YIF1B: variants seen among roughly 807,000 people sequenced by gnomAD.
YIF1B encodes Yip1 interacting factor homolog B, membrane trafficking protein, also known as protein YIF1B.
YIF1B carries 24 observed loss-of-function variants against 34.6 expected under a neutral mutation model. That is an observed-to-expected ratio of 0.69 (90% CI 0.50 to 0.98). YIF1B has a LOEUF of 0.98. Ranked by LOEUF, YIF1B falls within the 50% of genes least tolerant of loss-of-function variation. YIF1B has a pLI of 0.00. For synonymous variants in YIF1B, 186 were observed against 184.8 expected (o/e 1.01, Z -0.05); for missense variants, 368 against 429.4 (o/e 0.86, Z 1.26).
At chr19:38,314,367 C>G (rs1427097853) in intron 1 of YIF1B, among the ~76,000 whole-genome samples, 1 of 151,382 alleles carries the variant, frequency 6.6e-6, no homozygotes, top group African/African-American at 2.4e-5. Flanking sequence ...GCTAAATTTT[C>G]TATTTTTAGT....
At chr19:38,306,204 CAAAA>C (rs1174694534) in intron 7 of YIF1B, among the ~76,000 whole-genome samples, 3 of 28,708 alleles carry the variant, frequency 1.0e-4, no homozygotes, top group East Asian at 1.5e-3. Flanking sequence ...CTCTGTCTCA[CAAAA>C]AAAAAAAAAA....
At position 38,309,432 on chromosome 19, in the gene YIF1B, C is replaced by T. The variant is rs558809191; in HGVS notation, c.270G>A (p.Ala90=). Residue 90 remains alanine (A), a synonymous_variant, in exon 2 of 8, where the codon GCG becomes GCA. Coordinates refer to ENST00000339413, the MANE Select transcript of YIF1B (RefSeq NM_001039672.3). ...MAMAYGSSLA[A]QGKELVDKNI... is the part of the protein sequence containing the mutation. Reference sequence around the variant, plus strand: ...TCTTATCCACCAGCTCCTTGCCCTGCGCGGCCAGGCTGCTCCCATAGGCCA... The same window carrying T: ...TCTTATCCACCAGCTCCTTGCCCTGTGCGGCCAGGCTGCTCCCATAGGCCA... 29 of 1,613,492 alleles carry T rather than the reference C, an allele frequency of 1.8e-5. No homozygotes were observed. Among genetic ancestry groups the T allele is most frequent in the Admixed American group, 5.0e-5 (3 of 59,998 alleles).
chr19:38,311,871 G>T (rs1284193287), intron 1 of YIF1B, among the ~76,000 whole-genome samples: 1 of 152,204 alleles, frequency 6.6e-6, no homozygotes, highest in Non-Finnish European at 1.5e-5. Context: ...GGCCAAGGCA[G>T]GTGGATCACC....
chr19:38,315,563 GGGAGCCAC>G, intron 1 of YIF1B: 1 of 1,469,870 alleles, frequency 6.8e-7, no homozygotes. Context: ...GCGGGTACTG[GGGAGCCAC>G]GGAAGGGTGG....
chr19:38,307,497 G>A lies in YIF1B; in HGVS notation c.720C>T (p.Gly240=). The change falls in exon 7 of 8, where the codon GGC becomes GGT. Residue 240 remains glycine, a synonymous_variant. Coordinates refer to ENST00000339413, the MANE Select transcript of YIF1B (RefSeq NM_001039672.3). ...AGTAGCCAATCTTCCCGAAGAGCAGGCCCATGAGGACCCCGCCAATCATCC... is the reference window on the plus strand; with the variant it reads ...AGTAGCCAATCTTCCCGAAGAGCAGACCCATGAGGACCCCGCCAATCATCC... ...YVGMIGGVLM[G]LLFGKIGYYL... is the part of the protein sequence containing the mutation. The A allele has an allele frequency of 6.2e-7, 1 of 1,613,888 alleles. No homozygotes were observed. Among genetic ancestry groups the A allele is most frequent in the Non-Finnish European group, 8.5e-7 (1 of 1,179,994 alleles).
upstream of YIF1B, chr19:38,320,059 C>T (rs745427851): frequency 4.6e-6 from 7 of 1,516,194 alleles, no homozygotes; most frequent in African/African-American, 2.9e-5. Flanking sequence ...AGCCAGGCTC[C>T]GAGCCGAGCT....
At position 38,305,149 on chromosome 19, in the gene YIF1B, C is replaced by T. The variant is rs778510524; in HGVS notation, c.*203G>A. 4 of 1,395,940 alleles carry T rather than the reference C, an allele frequency of 2.9e-6. No homozygotes were observed. Among genetic ancestry groups the T allele is most frequent in the African/African-American group, 1.5e-5 (1 of 68,800 alleles). The allele number at this position is 1,395,940 out of a possible 1,614,324, so 86.5% of individuals were successfully genotyped here. ...TCAGGGTTTATTGTTTCTGTAACAG[C>T]GGCCACGCCCTGGGGCGGTGGCCTG... On this transcript the variant is annotated 3_prime_UTR_variant, in exon 8 of 8. Coordinates refer to ENST00000339413, the MANE Select transcript of YIF1B (RefSeq NM_001039672.3).
chr19:38,315,999 C>A (rs1386320568), upstream of YIF1B: 3 of 1,361,458 alleles, frequency 2.2e-6, no homozygotes, highest in Non-Finnish European at 2.8e-6. Flanking sequence ...GAAGAGACAG[C>A]CAATGGACGT....
chr19:38,318,758 G>A (rs182975804), upstream of YIF1B, among the ~76,000 whole-genome samples: 23 of 152,280 alleles, frequency 1.5e-4, no homozygotes, highest in African/African-American at 5.1e-4. Flanking sequence ...TGTCTGAGCT[G>A]AGCCCCAAGC....
In YIF1B at chr19:38,309,385, C is replaced by T. The variant is rs1222286073; in HGVS notation, c.297+20G>A. 1 of 1,612,656 alleles carries T rather than the reference C, an allele frequency of 6.2e-7. No individual in the cohort carries two copies. Among genetic ancestry groups the T allele is most frequent in the Non-Finnish European group, 8.5e-7 (1 of 1,179,098 alleles). On this transcript the variant is annotated intron_variant, in intron 2 of 7. Transcript: ENST00000339413. ...GTGGCCCCGTGCATCCCCCCACTCC[C>T]ACCAGCCCCGCCCACTCACGTTCTT...
intron 4 of YIF1B, 56 bp downstream of exon 4, chr19:38,308,923 C>A (rs117370073): frequency 6.2e-7 from 1 of 1,613,266 alleles, no homozygotes; most frequent in Non-Finnish European, 8.5e-7. Context: ...CCCACACACC[C>A]GCTCCATATA....
upstream of YIF1B, among the ~76,000 whole-genome samples, chr19:38,319,274 A>G (rs570779597): frequency 2.0e-5 from 3 of 152,050 alleles, no homozygotes; most frequent in East Asian, 5.8e-4. Context: ...TCCCAGTTAG[A>G]CTGGGAGCCC....
rs776600671 is a variant in YIF1B at position 38,308,833 on chromosome 19, G to C, written c.498C>G (p.Thr166=). 2.5e-6 allele frequency: 4 copies of C among 1,613,852 alleles called. No homozygotes were observed. The highest frequency in any genetic ancestry group is 1.3e-5 in the African/African-American group (1 of 74,902). The part of the protein sequence containing the change: ...DLYIPAMAFI[T]YVLVAGLALG... ...GCGCAAGACCAGCCACCAAAACGTA[G>C]GTGATGAAAGCCATTGCTGTGGGAG... Residue 166 remains threonine (T), a synonymous_variant, in exon 5 of 8, where the codon ACC becomes ACG. Transcript: ENST00000339413.
rs1205898220 is a variant in YIF1B at position 38,307,975 on chromosome 19, G to A, written c.540-223C>T. Among the ~76,000 whole-genome samples, 4 of 152,350 alleles carry A rather than the reference G, an allele frequency of 2.6e-5. No homozygotes were observed. The East Asian group carries it at 7.7e-4, about 29-fold the overall frequency. ...GGCAGGGCTGGAGTCACAGGGGGCTGTGCTGACAGTCAGGAGACAGGTGTC... is the reference window on the plus strand; with the variant it reads ...GGCAGGGCTGGAGTCACAGGGGGCTATGCTGACAGTCAGGAGACAGGTGTC... On this transcript the variant is annotated intron_variant, in intron 5 of 7. Transcript: ENST00000339413.
Position 38,305,212 on chromosome 19 carries a change from G to A in YIF1B, c.*140C>T, listed in dbSNP as rs1600372323. 1.4e-6 allele frequency: 2 copies of A among 1,421,818 alleles called. No individual in the cohort carries two copies. The highest frequency in any genetic ancestry group is 2.9e-5 in the South Asian group (2 of 69,632). 88.1% of individuals were successfully genotyped at this position (1,421,818 alleles called of 1,614,324 possible). A position where few individuals can be genotyped will look rare whatever the true frequency, so the allele number is the denominator to read the frequency against. On this transcript the variant is annotated 3_prime_UTR_variant, in exon 8 of 8. Transcript: ENST00000339413. ...TCTCTCAGCACCTTGGGTTGGGGGCGGGGCTGGGCGGGACATGGGATGGAG... is the reference window on the plus strand; with the variant it reads ...TCTCTCAGCACCTTGGGTTGGGGGCAGGGCTGGGCGGGACATGGGATGGAG...
At chr19:38,312,997 G>C (rs1184516440) in intron 1 of YIF1B, among the ~76,000 whole-genome samples, 1 of 151,970 alleles carries the variant, frequency 6.6e-6, no homozygotes, top group African/African-American at 2.4e-5. Flanking sequence ...TGTCACCCAG[G>C]CTGGAGTGCA....
intron 7 of YIF1B, chr19:38,306,707 A>C (rs1383646065): frequency 8.9e-6 from 2 of 224,166 alleles, no homozygotes; most frequent in African/African-American, 4.8e-5. Flanking sequence ...TTTGAGACGG[A>C]GTCTCGCTCT....
rs567332076 is a variant in YIF1B, at chr19:38,315,592, A to T, written c.58+268T>A. ...GCCACGGAAGGGTGGGGAGCAGGGA[A>T]GGGCGGATCGCTAACTGCAAATGAA... On this transcript the variant is annotated intron_variant, in intron 1 of 7. Transcript: ENST00000339413. 5 of 1,501,496 alleles carry T rather than the reference A, an allele frequency of 3.3e-6. No individual in the cohort carries two copies. The African/African-American group carries it at 7.0e-5, about 21-fold the overall frequency. The allele number at this position is 1,501,496 out of a possible 1,614,324, so 93.0% of individuals were successfully genotyped here.
At chr19:38,312,270 A>G (rs778780662) in intron 1 of YIF1B, among the ~76,000 whole-genome samples, 14 of 152,246 alleles carry the variant, frequency 9.2e-5, no homozygotes, top group Admixed American at 4.6e-4. Context: ...AATATAAAAT[A>G]GCAGGGCATG....
Sources: allele counts gnomAD v4.1 joint callset (sites outside exome capture counted in the v4.1 genomes callset), GRCh38; gene constraint gnomAD v4.1.1; transcripts MANE v1.5; gene names NCBI Gene and HGNC (gene_info 2026-07-23, HGNC 2026-07-21).